Variants in TOX observed in about 807,000 individuals in gnomAD.
TOX encodes the protein thymocyte selection-associated high mobility group box protein TOX.
Under a neutral mutation model 53.7 loss-of-function variants are expected in TOX, and 11 were observed. The observed-to-expected ratio is 0.20, with a 90% CI of 0.13 to 0.34. The LOEUF is 0.34. TOX is among the 10% of genes least tolerant of loss of function. The pLI, the probability that TOX is intolerant of heterozygous loss-of-function variation, is 1.00. For missense variants in TOX, 570 were observed against 664.6 expected, an observed-to-expected ratio of 0.86 and a Z score of 1.56; for synonymous variants, 225 against 245.3, an observed-to-expected ratio of 0.92 and a Z score of 0.77.
intron 5 of TOX, among the ~76,000 whole-genome samples, chr8:58,836,988 A>T (rs1012329939): frequency 6.6e-6 from 1 of 152,206 alleles, no homozygotes; most frequent in African/African-American, 2.4e-5. Context: ...ATTTCCCTGT[A>T]TATCTATGAG....
At chr8:58,876,480 A>G (rs986907904) in intron 3 of TOX, among the ~76,000 whole-genome samples, 1 of 152,138 alleles carries the variant, frequency 6.6e-6, no homozygotes, top group African/African-American at 2.4e-5. Context: ...GGGGGAAAGG[A>G]CAACTGTAAA....
intron 3 of TOX, among the ~76,000 whole-genome samples, chr8:58,882,623 A>G (rs1344991053): frequency 1.3e-5 from 2 of 152,216 alleles, no homozygotes; most frequent in Non-Finnish European, 2.9e-5. Flanking sequence ...AACATAGCCA[A>G]TGTCACTATA....
At chr8:59,017,306 T>C (rs563580302) in intron 1 of TOX, among the ~76,000 whole-genome samples, 2 of 152,358 alleles carry the variant, frequency 1.3e-5, no homozygotes, top group Admixed American at 1.3e-4. Flanking sequence ...ATGTAAATTA[T>C]GCTTTGATTT....
intron 3 of TOX, among the ~76,000 whole-genome samples, chr8:58,926,504 A>G (rs930870143): frequency 6.6e-6 from 1 of 152,230 alleles, no homozygotes; most frequent in South Asian, 2.1e-4. Flanking sequence ...AAGGCACTGC[A>G]TATAGAATAT....
At chr8:58,943,700 C>A (rs1384268907) in intron 2 of TOX, among the ~76,000 whole-genome samples, 2 of 150,516 alleles carry the variant, frequency 1.3e-5, no homozygotes, top group African/African-American at 4.9e-5. Context: ...GGGTTCCAGT[C>A]TAGAATGCTG....
chr8:59,118,944 G>C lies in TOX; in HGVS notation c.44C>G (p.Ala15Gly), dbSNP rs1398014746. The C allele has an allele frequency of 6.2e-7, 1 of 1,602,028 alleles. No individual in the cohort carries two copies. Among genetic ancestry groups the C allele is most frequent in the Non-Finnish European group, 8.5e-7 (1 of 1,173,950 alleles). ...AGGTCCCAGACAGGGAGCGTCGGGC[G>C]CAGCGGCGGGCTGGGCTGGAGGTGG... is the stretch of plus-strand genomic sequence containing the variant. ...FYPPPAQPAAAPDAPCLGPSP... is the reference protein window; with the variant it reads ...FYPPPAQPAAGPDAPCLGPSP... The change falls in exon 1 of 9, where the codon GCG (alanine) becomes GGG (glycine). Residue 15 changes from alanine (A) to glycine (G), a missense_variant. By Grantham distance (60) the Ala-to-Gly change is moderately conservative. Transcript: ENST00000361421. This position sits in a 1 kb window ranked among gnomAD's most constrained non-coding sequence, Gnocchi z 4.1.
intron 1 of TOX, among the ~76,000 whole-genome samples, chr8:59,028,007 T>C (rs943633537): frequency 2.0e-5 from 3 of 152,132 alleles, no homozygotes; most frequent in East Asian, 3.9e-4. Flanking sequence ...AGAAGAAACA[T>C]CTTTGAAATC....
intron 1 of TOX, among the ~76,000 whole-genome samples, chr8:59,103,151 C>T (rs545151826): frequency 1.1e-4 from 17 of 152,242 alleles, no homozygotes; most frequent in African/African-American, 3.9e-4. Flanking sequence ...GCCTGGGGCA[C>T]CAGCAACTAT....
chr8:59,076,662 T>C (rs1005619875), intron 1 of TOX, among the ~76,000 whole-genome samples: 1 of 152,232 alleles, frequency 6.6e-6, no homozygotes, highest in South Asian at 2.1e-4. Flanking sequence ...AATTTTATGC[T>C]AATTTTTTTG....
chr8:58,971,749 C>G lies in TOX; in HGVS notation c.103-11741G>C, dbSNP rs1025066026. The stretch of plus-strand genomic sequence containing the variant: ...TGTCACCTAGGCTGGAGTACAGCAG[C>G]GCGATCTCAACTCACGGCAACCTCC... On this transcript the variant is annotated intron_variant, in intron 1 of 8. Transcript: ENST00000361421. Among the ~76,000 whole-genome samples the G allele has an allele frequency of 7.2e-5, 11 of 152,052 alleles. No homozygotes were observed. In the East Asian group the frequency reaches 2.1e-3, roughly 29 times the overall value.
At position 58,967,043 on chromosome 8, in the gene TOX, T is replaced by G. The variant is rs188096265; in HGVS notation, c.103-7035A>C. On this transcript the variant is annotated intron_variant, in intron 1 of 8. Transcript: ENST00000361421. ...GCGCCCGCCACCACGCCCGGCTAAT[T>G]TTTTGTATTTTTAGTAGAGACGGGG... 1.7e-3 allele frequency among the ~76,000 whole-genome samples: 258 copies of G among 151,936 alleles called. 2 individuals carry two copies. Among genetic ancestry groups the G allele is most frequent in the South Asian group, 5.0e-3 (24 of 4,794 alleles).
At chr8:58,819,501 C>A (rs912025617) in intron 6 of TOX, among the ~76,000 whole-genome samples, 1 of 152,154 alleles carries the variant, frequency 6.6e-6, no homozygotes. Flanking sequence ...TTTCTACAAG[C>A]CATAAAGTGG....
At chr8:59,057,925 C>A (rs1803912737) in intron 1 of TOX, among the ~76,000 whole-genome samples, 1 of 152,132 alleles carries the variant, frequency 6.6e-6, no homozygotes. Context: ...CGGCTCACTG[C>A]AACCTCCACC....
intron 1 of TOX, among the ~76,000 whole-genome samples, chr8:59,038,544 T>C (rs1803513261): frequency 6.6e-6 from 1 of 152,228 alleles, no homozygotes; most frequent in Non-Finnish European, 1.5e-5. Context: ...GAGATTATAC[T>C]ACTTACTTTT....
At position 58,893,048 on chromosome 8, in the gene TOX, A is replaced by G. The variant is rs148422624; in HGVS notation, c.412-41243T>C. On this transcript the variant is annotated intron_variant, in intron 3 of 8. Transcript: ENST00000361421. Reference sequence around the variant, plus strand: ...CAAATAAAAGTGTAAGAGCAAATAAATTGTCTTTATATTACTCTACTATAT... The same window carrying G: ...CAAATAAAAGTGTAAGAGCAAATAAGTTGTCTTTATATTACTCTACTATAT... Among the ~76,000 whole-genome samples the G allele has an allele frequency of 4.3e-3, 661 of 152,262 alleles. 3 individuals carry two copies. Among genetic ancestry groups the G allele is most frequent in the African/African-American group, 0.015 (634 of 41,552 alleles).
chr8:59,034,907 T>C (rs1039085525), intron 1 of TOX, among the ~76,000 whole-genome samples: 2 of 152,038 alleles, frequency 1.3e-5, no homozygotes, highest in Non-Finnish European at 2.9e-5. Flanking sequence ...AGTGAGCAAA[T>C]TGAGACACAC....
chr8:58,962,790 A>C (rs935397097), intron 1 of TOX, among the ~76,000 whole-genome samples: 3 of 152,144 alleles, frequency 2.0e-5, no homozygotes, highest in African/African-American at 7.2e-5. Context: ...AATTTTTTTA[A>C]GTGTCGTGAG....
At chr8:59,103,099 C>T (rs1198370970) in intron 1 of TOX, among the ~76,000 whole-genome samples, 3 of 152,214 alleles carry the variant, frequency 2.0e-5, no homozygotes, top group Admixed American at 2.0e-4. Context: ...TTGACTTCCT[C>T]CCTCTTTTCC....
intron 1 of TOX, among the ~76,000 whole-genome samples, chr8:58,961,356 A>G (rs1812793017): frequency 6.6e-6 from 1 of 152,230 alleles, no homozygotes; most frequent in Non-Finnish European, 1.5e-5. Flanking sequence ...CATTATGTGA[A>G]CAACTTATCT....
Sources: allele counts gnomAD v4.1 joint callset (sites outside exome capture counted in the v4.1 genomes callset), GRCh38; gene constraint gnomAD v4.1.1; non-coding constraint Gnocchi (gnomAD v3.1); transcripts MANE v1.5; gene names NCBI Gene and HGNC (gene_info 2026-07-23, HGNC 2026-07-21).